LTBP1: variants seen among roughly 807,000 people sequenced by gnomAD.
LTBP1 encodes latent transforming growth factor beta binding protein 1.
A neutral mutation model predicts 207.6 loss-of-function variants in LTBP1; 129 were observed. The observed-to-expected ratio is 0.62, with a 90% CI of 0.54 to 0.72. The LOEUF is 0.72. Among genes scored for constraint, LTBP1 ranks in the 30% least tolerant of loss-of-function variants. LTBP1 has a pLI of 0.00. For synonymous variants in LTBP1, 963 were observed against 833.7 expected, an observed-to-expected ratio of 1.16 and a Z score of -2.67; for missense variants, 2,281 against 2,217.2, an observed-to-expected ratio of 1.03 and a Z score of -0.58.
chr2:33,078,469 T>G (rs1350153087), intron 3 of LTBP1, among the ~76,000 whole-genome samples: 1 of 152,228 alleles, frequency 6.6e-6, no homozygotes, highest in Non-Finnish European at 1.5e-5. Flanking sequence ...CCACTGATAT[T>G]AAAGCCAAGC....
chr2:33,185,668 A>G (rs533535516), intron 5 of LTBP1, among the ~76,000 whole-genome samples: 3 of 152,288 alleles, frequency 2.0e-5, no homozygotes, highest in Admixed American at 6.5e-5. Flanking sequence ...TGTCATGGAA[A>G]CCAAGGGAAG....
At chr2:33,332,520 G>GCAT (rs2094507952) in intron 24 of LTBP1, among the ~76,000 whole-genome samples, 1 of 150,968 alleles carries the variant, frequency 6.6e-6, no homozygotes, top group African/African-American at 2.4e-5. Flanking sequence ...TTTCTTAATA[G>GCAT]TTTTTAGCAT....
In LTBP1 at chr2:33,347,353, G is replaced by T. The variant is rs552518660; in HGVS notation, c.3857-14G>T. On this transcript the variant is annotated splice_polypyrimidine_tract_variant and intron_variant, in intron 25 of 33. Coordinates refer to ENST00000404816, the MANE Select transcript of LTBP1 (RefSeq NM_206943.4). Reference sequence around the variant, plus strand: ...GAGGCACACATCTCACTTGGTCTGTGCTCCCTTTTCCAGATGTGAATGAAT... The same window carrying T: ...GAGGCACACATCTCACTTGGTCTGTTCTCCCTTTTCCAGATGTGAATGAAT... The T allele has an allele frequency of 4.3e-6, 7 of 1,614,062 alleles. No individual in the cohort carries two copies. Among genetic ancestry groups the T allele is most frequent in the Non-Finnish European group, 5.9e-6 (7 of 1,179,976 alleles).
chr2:32,958,695 T>A (rs553329921), intron 2 of LTBP1, among the ~76,000 whole-genome samples: 1 of 152,344 alleles, frequency 6.6e-6, no homozygotes, highest in African/African-American at 2.4e-5. Flanking sequence ...AAGAATTCTT[T>A]TTCTTTTCTT....
intron 3 of LTBP1, among the ~76,000 whole-genome samples, chr2:33,078,578 C>T (rs769742821): frequency 5.9e-5 from 9 of 151,968 alleles, no homozygotes; most frequent in Non-Finnish European, 1.2e-4. Context: ...TTTATATGGA[C>T]GATTATGTTT....
At chr2:33,055,943 G>A (rs1475921838) in intron 3 of LTBP1, among the ~76,000 whole-genome samples, 3 of 152,166 alleles carry the variant, frequency 2.0e-5, no homozygotes, top group South Asian at 4.1e-4. Flanking sequence ...GGAGCTATAG[G>A]GAGGCTAGGA....
At chr2:33,207,682 C>T (rs2089987054) in intron 7 of LTBP1, among the ~76,000 whole-genome samples, 1 of 152,196 alleles carries the variant, frequency 6.6e-6, no homozygotes, top group African/African-American at 2.4e-5. Flanking sequence ...AACAACGACC[C>T]TTAGAACAAG....
rs114060615 is a variant in LTBP1 at position 33,127,367 on chromosome 2, C to T, written c.1034-7426C>T. Among the ~76,000 whole-genome samples the T allele has an allele frequency of 8.2e-3, 1,253 of 152,242 alleles. 16 individuals carry two copies. The highest frequency in any genetic ancestry group is 0.028 in the African/African-American group (1,183 of 41,530). On this transcript the variant is annotated intron_variant, in intron 4 of 33. Coordinates refer to ENST00000404816, the MANE Select transcript of LTBP1 (RefSeq NM_206943.4). ...GGTAGAAGCCTGAGGCATTCAACTC[C>T]TTTAAAGTTTTGTGACTTCCAGCTA...
At chr2:33,081,353 A>G (rs983490188) in intron 3 of LTBP1, among the ~76,000 whole-genome samples, 5 of 152,126 alleles carry the variant, frequency 3.3e-5, no homozygotes, top group Non-Finnish European at 5.9e-5. Flanking sequence ...ATCAATACCT[A>G]TACACAGATA....
Position 33,396,374 on chromosome 2 carries a change from C to T in LTBP1, c.4835-759C>T, listed in dbSNP as rs1179853948. ...TAGCTGGGATTACAGGTGTCCACCA[C>T]CACGCCCGGCTAATTTTCTGTATTT... On this transcript the variant is annotated intron_variant, in intron 32 of 33. Transcript: ENST00000404816. Among the ~76,000 whole-genome samples the T allele has an allele frequency of 3.3e-5, 5 of 152,094 alleles. No individual in the cohort carries two copies. In the East Asian group the frequency reaches 9.6e-4, roughly 29 times the overall value.
intron 5 of LTBP1, among the ~76,000 whole-genome samples, chr2:33,170,158 C>G (rs2085287082): frequency 1.3e-5 from 2 of 152,280 alleles, no homozygotes; most frequent in South Asian, 4.1e-4. Context: ...GGGCGCAGGA[C>G]AGTGGGTGCA....
At chr2:33,126,315 C>T (rs1205605869) in intron 4 of LTBP1, among the ~76,000 whole-genome samples, 1 of 152,136 alleles carries the variant, frequency 6.6e-6, no homozygotes, top group Non-Finnish European at 1.5e-5. Context: ...GCAATCCTCC[C>T]CCTCAGCCTC....
chr2:33,007,398 A>G (rs1274811014), intron 2 of LTBP1, among the ~76,000 whole-genome samples: 1 of 152,238 alleles, frequency 6.6e-6, no homozygotes, highest in Non-Finnish European at 1.5e-5. Context: ...GAATGCTGTC[A>G]AAATAAATCA....
At chr2:33,238,059 C>CTTAAAGTGAACTCCTGTACTTAAAG (rs142051373) in intron 9 of LTBP1, among the ~76,000 whole-genome samples, 23,446 of 152,120 alleles carry the variant, frequency 0.15, 2,983 homozygotes, top group African/African-American at 0.35. Context: ...TATATATTGT[C>CTTAAAGTGAACTCCTGTACTTAAAG]TAAGTGATCC....
intron 9 of LTBP1, among the ~76,000 whole-genome samples, chr2:33,224,346 A>G (rs977568105): frequency 2.0e-5 from 3 of 152,204 alleles, no homozygotes; most frequent in African/African-American, 7.2e-5. Flanking sequence ...TAATTGTTAG[A>G]TACATTTTCC....
In LTBP1 at chr2:33,218,255, G is replaced by A. The variant is rs1426041004; in HGVS notation, c.1804+601G>A. 2.0e-5 allele frequency among the ~76,000 whole-genome samples: 3 copies of A among 151,986 alleles called. No individual in the cohort carries two copies. The East Asian group carries it at 5.8e-4, about 29-fold the overall frequency. ...CATTAATCTATATTAACACCCCCAG[G>A]CTTTGATTTGCTTTTATTGTTCAGA... On this transcript the variant is annotated intron_variant, in intron 8 of 33. Transcript: ENST00000404816.
chr2:33,102,579 TTCATC>T (rs2079799111), intron 3 of LTBP1, among the ~76,000 whole-genome samples: 1 of 152,228 alleles, frequency 6.6e-6, no homozygotes, highest in Admixed American at 6.5e-5. Context: ...TTTTGTCTCT[TTCATC>T]TCATTTAGTC....
chr2:33,199,752 A>C (rs1294428618), intron 7 of LTBP1, among the ~76,000 whole-genome samples: 2 of 152,172 alleles, frequency 1.3e-5, no homozygotes, highest in African/African-American at 2.4e-5. Context: ...AAATCTCCTT[A>C]AGCTGATAAG....
At position 33,395,930 on chromosome 2, in the gene LTBP1, T is replaced by C. The variant is rs375069914; in HGVS notation, c.4835-1203T>C. ...ATATTTTTTTTTTTTTTGAAGCTAC[T>C]TTGTGGTACTATTGGGAAGAGACAG... is the stretch of plus-strand genomic sequence containing the variant. On this transcript the variant is annotated intron_variant, in intron 32 of 33. Transcript: ENST00000404816. Among the ~76,000 whole-genome samples the C allele has an allele frequency of 1.7e-4, 25 of 151,202 alleles. No individual in the cohort carries two copies. The East Asian group carries it at 4.5e-3, about 27-fold the overall frequency.
Sources: gnomAD v4.1 joint callset for allele counts (sites outside exome capture counted in the v4.1 genomes callset) on GRCh38, gnomAD v4.1.1 for gene constraint, MANE v1.5 for transcripts, NCBI Gene and HGNC (gene_info 2026-07-23, HGNC 2026-07-21) for gene names.